The following SPAG6 variants were observed in gnomAD, a reference collection of about 807,000 sequenced individuals.
SPAG6 encodes the protein sperm associated antigen 6.
SPAG6 carries 49 observed loss-of-function variants against 58.5 expected under a neutral mutation model. The ratio of observed to expected loss-of-function variants is 0.84; its 90% confidence interval spans 0.67 to 1.06. SPAG6 has a LOEUF of 1.06. Ranked by LOEUF, SPAG6 falls within the 50% of genes least tolerant of loss-of-function variation. The pLI is 0.00. For missense variants in SPAG6, 560 were observed against 611.3 expected, an observed-to-expected ratio of 0.92 and a Z score of 0.89; for synonymous variants, 233 against 225.6, an observed-to-expected ratio of 1.03 and a Z score of -0.29.
intron 2 of SPAG6, among the ~76,000 whole-genome samples, chr10:22,358,390 G>A (rs1836929989): frequency 6.6e-6 from 1 of 151,884 alleles, no homozygotes; most frequent in Non-Finnish European, 1.5e-5. Context: ...CTTCTTTTGA[G>A]AAGTGTCTGT....
intron 10 of SPAG6, among the ~76,000 whole-genome samples, chr10:22,416,175 C>T (rs558761093): frequency 3.2e-4 from 49 of 152,118 alleles, no homozygotes; most frequent in African/African-American, 1.2e-3. Flanking sequence ...CTGATTAAAA[C>T]CCATGCTGAG....
chr10:22,400,967 A>C (rs1171404116), intron 8 of SPAG6, among the ~76,000 whole-genome samples, 194 bp from the exon 9 acceptor site: 3 of 152,220 alleles, frequency 2.0e-5, no homozygotes, highest in Non-Finnish European at 4.4e-5. Flanking sequence ...CACAAAGACA[A>C]CTTGTAGGAT....
chr10:22,388,857 A>G (rs1239943443), intron 6 of SPAG6, among the ~76,000 whole-genome samples: 1 of 152,124 alleles, frequency 6.6e-6, no homozygotes, highest in African/African-American at 2.4e-5. Flanking sequence ...GTAGTTAGTT[A>G]TGAACCAGCC....
intron 2 of SPAG6, chr10:22,361,037 G>C (rs1837022098): frequency 3.7e-6 from 2 of 535,042 alleles, no homozygotes; most frequent in South Asian, 5.7e-5. Context: ...CTCTTTAGAG[G>C]AAGAGAAGCA....
chr10:22,378,011 T>C (rs1245623495), intron 4 of SPAG6, among the ~76,000 whole-genome samples: 3 of 151,424 alleles, frequency 2.0e-5, no homozygotes, highest in Non-Finnish European at 4.4e-5. Context: ...AAAATTGTTA[T>C]GTATTTACGG....
intron 9 of SPAG6, among the ~76,000 whole-genome samples, chr10:22,402,559 A>T (rs1020292621): frequency 6.6e-6 from 1 of 152,214 alleles, no homozygotes; most frequent in Non-Finnish European, 1.5e-5. Flanking sequence ...ACAGGAAAGT[A>T]GAAGTTTCAC....
At chr10:22,353,921 C>T (rs1415232018) in intron 2 of SPAG6, among the ~76,000 whole-genome samples, 1 of 151,982 alleles carries the variant, frequency 6.6e-6, no homozygotes, top group African/African-American at 2.4e-5. Flanking sequence ...TGTGTAAAGG[C>T]ACAAAGACAA....
intron 8 of SPAG6, 35 bp downstream of exon 8, chr10:22,391,955 CT>C: frequency 6.8e-7 from 1 of 1,461,082 alleles, no homozygotes; most frequent in South Asian, 1.2e-5. Flanking sequence ...AAGATTTTGG[CT>C]CATTTAAAAA....
chr10:22,397,216 A>C (rs1834313553), intron 8 of SPAG6, among the ~76,000 whole-genome samples: 1 of 152,182 alleles, frequency 6.6e-6, no homozygotes, highest in Non-Finnish European at 1.5e-5. Context: ...ACAGACACAC[A>C]CACACACGCA....
intron 3 of SPAG6, among the ~76,000 whole-genome samples, chr10:22,367,464 C>G (rs1160297578): frequency 6.6e-6 from 1 of 151,804 alleles, no homozygotes; most frequent in South Asian, 2.1e-4. Context: ...GTTTTTTTCT[C>G]CTGTAATTTT....
intron 9 of SPAG6, among the ~76,000 whole-genome samples, chr10:22,410,131 C>T (rs1007934235): frequency 1.3e-5 from 2 of 152,146 alleles, no homozygotes; most frequent in African/African-American, 4.8e-5. Context: ...GAAACCTTCT[C>T]TTGGATTTAT....
intron 3 of SPAG6, 105 bp downstream of exon 3, chr10:22,365,124 G>A (rs1041333368): frequency 5.2e-5 from 38 of 725,750 alleles, no homozygotes; most frequent in Non-Finnish European, 7.3e-5. Flanking sequence ...TTATTAGGGG[G>A]TTAACACAAT....
intron 4 of SPAG6, among the ~76,000 whole-genome samples, chr10:22,381,841 A>C (rs1222256970): frequency 6.6e-6 from 1 of 152,162 alleles, no homozygotes; most frequent in African/African-American, 2.4e-5. Flanking sequence ...TCCTCCTTTT[A>C]ATTTACGTTC....
chr10:22,397,503 A>G (rs1226751087), intron 8 of SPAG6, among the ~76,000 whole-genome samples: 1 of 152,072 alleles, frequency 6.6e-6, no homozygotes, highest in Non-Finnish European at 1.5e-5. Context: ...TTTAGTAGAG[A>G]CAGGGTTTTG....
chr10:22,389,408 C>G, intron 7 of SPAG6, 96 bp downstream of exon 7: 2 of 1,293,576 alleles, frequency 1.5e-6, no homozygotes, highest in Non-Finnish European at 2.1e-6. Context: ...ATATAACTGA[C>G]TGGAGCAAAA....
At chr10:22,355,208 C>T (rs1422358443) in intron 2 of SPAG6, among the ~76,000 whole-genome samples, 3 of 152,020 alleles carry the variant, frequency 2.0e-5, no homozygotes, top group Non-Finnish European at 2.9e-5. Flanking sequence ...GAGGAGAAAC[C>T]GGAGAGCATA....
chr10:22,353,466 C>G (rs1354826954), intron 2 of SPAG6, among the ~76,000 whole-genome samples: 1 of 152,226 alleles, frequency 6.6e-6, no homozygotes, highest in Non-Finnish European at 1.5e-5. Flanking sequence ...TTCCTTAAAA[C>G]TTTATGAATT....
intron 4 of SPAG6, 147 bp downstream of exon 4, chr10:22,368,825 C>A: frequency 1.8e-6 from 1 of 549,462 alleles, no homozygotes; most frequent in Non-Finnish European, 3.1e-6. Flanking sequence ...GAATGATGGC[C>A]AAGTTGTTTG....
At chr10:22,384,269 A>G (rs916775422) in intron 4 of SPAG6, among the ~76,000 whole-genome samples, 5 of 152,198 alleles carry the variant, frequency 3.3e-5, no homozygotes, top group African/African-American at 1.2e-4. Context: ...ATCTCAGTTT[A>G]TTACAGAGCT....
Sources: allele counts gnomAD v4.1 joint callset (sites outside exome capture counted in the v4.1 genomes callset), GRCh38; gene constraint gnomAD v4.1.1; transcripts MANE v1.5; gene names NCBI Gene and HGNC (gene_info 2026-07-23, HGNC 2026-07-21).